Variants in DDX52 observed in about 807,000 individuals in gnomAD.
The protein encoded by DDX52 is probable ATP-dependent RNA helicase DDX52.
A neutral mutation model predicts 76.1 loss-of-function variants in DDX52; 59 were observed. The ratio of observed to expected loss-of-function variants is 0.78; its 90% CI spans 0.63 to 0.96. The LOEUF (loss-of-function observed/expected upper bound fraction) is 0.96. Ranked by LOEUF, DDX52 falls within the 40% of genes least tolerant of loss-of-function variation. The pLI is 0.00. For synonymous variants in DDX52, 231 were observed against 244.1 expected, an observed-to-expected ratio of 0.95 and a Z score of 0.50; for missense variants, 707 against 703.9, an observed-to-expected ratio of 1.00 and a Z score of -0.05.
At chr17:37,627,169 ACAGG>A (rs1208304561) in intron 6 of DDX52, among the ~76,000 whole-genome samples, 1 of 152,140 alleles carries the variant, frequency 6.6e-6, no homozygotes, top group Non-Finnish European at 1.5e-5. Context: ...AGCTGGGACT[ACAGG>A]CACATGCCAC....
intron 11 of DDX52, 71 bp from the exon 12 acceptor site, chr17:37,621,019 T>G: frequency 6.4e-7 from 1 of 1,558,216 alleles, no homozygotes; most frequent in Non-Finnish European, 8.6e-7. Context: ...TTTATAAAAG[T>G]CACTGGATTT....
intron 12 of DDX52, 139 bp from the exon 13 acceptor site, chr17:37,619,978 T>A: frequency 1.3e-6 from 1 of 758,944 alleles, no homozygotes; most frequent in Non-Finnish European, 2.1e-6. Flanking sequence ...TATCAATTAT[T>A]ACCTGATGTA....
chr17:37,619,662 T>C, intron 13 of DDX52, 106 bp downstream of exon 13: 4 of 960,964 alleles, frequency 4.2e-6, no homozygotes, highest in Non-Finnish European at 6.2e-6. Context: ...CAGTGAGCTG[T>C]GATCATGCCA....
rs2030088828 is a variant in DDX52, at chr17:37,621,476, C to G, written c.1272G>C (p.Arg424Ser). The change falls in exon 10 of 15, where the codon AGG becomes AGC. Residue 424 changes from arginine (R) to serine (S), a missense_variant. Arg to Ser is a moderately radical substitution (Grantham distance 110). Transcript: ENST00000617633. ...TGAGCTCATGAAAAAGTTCTTTAGC[C>G]CTTTCAATGGACTGAACAAAAACAA... is the stretch of plus-strand genomic sequence containing the variant. ...PVLVFVQSIE[R>S]AKELFHELIY... is the part of the protein sequence containing the mutation. 6.2e-7 allele frequency: 1 copy of G among 1,613,458 alleles called. No individual in the cohort carries two copies. Among genetic ancestry groups the G allele is most frequent in the African/African-American group, 1.3e-5 (1 of 74,860 alleles).
chr17:37,623,442 T>C (rs1258334119), intron 9 of DDX52, among the ~76,000 whole-genome samples: 1 of 151,990 alleles, frequency 6.6e-6, no homozygotes, highest in Non-Finnish European at 1.5e-5. Context: ...AAAACAAAAT[T>C]ATGTAGTCAC....
chr17:37,615,319 G>A (rs966250021), intron 14 of DDX52, among the ~76,000 whole-genome samples: 1 of 152,196 alleles, frequency 6.6e-6, no homozygotes, highest in Non-Finnish European at 1.5e-5. Context: ...ACCTTAAGCA[G>A]GGGGCTGATA....
chr17:37,621,523 A>G lies in DDX52; in HGVS notation c.1228-3T>C. 6.2e-7 allele frequency: 1 copy of G among 1,600,456 alleles called. No individual in the cohort carries two copies. The highest frequency in any genetic ancestry group is 8.5e-7 in the Non-Finnish European group (1 of 1,176,576). ...ACAAGAACAGGTGGATTGAAACCCTAAAAGAAGACAAAAATTGGCATACAT... is the reference window on the plus strand; with the variant it reads ...ACAAGAACAGGTGGATTGAAACCCTGAAAGAAGACAAAAATTGGCATACAT... On this transcript the variant is annotated splice_region_variant and splice_polypyrimidine_tract_variant and intron_variant, in intron 9 of 14. Transcript: ENST00000617633.
At chr17:37,639,400 A>T in intron 2 of DDX52, 1 of 989,972 alleles carries the variant, frequency 1.0e-6, no homozygotes, top group Non-Finnish European at 1.2e-6. Flanking sequence ...AAATGACCCA[A>T]ATCATTACTA....
Position 37,643,372 on chromosome 17 carries a change from C to T in DDX52, c.49G>A (p.Asp17Asn), listed in dbSNP as rs770680305. Reference sequence around the variant, plus strand: ...GCGTCTGCCGAGAAGCGTCTCGTGTCGAATTTGGCCCCCGCGCCGAGCCGG... The same window carrying T: ...GCGTCTGCCGAGAAGCGTCTCGTGTTGAATTTGGCCCCCGCGCCGAGCCGG... ...FRRLGAGAKFDTRRFSADAAR... is the reference protein window; with the variant it reads ...FRRLGAGAKFNTRRFSADAAR... Residue 17 changes from aspartate to asparagine, a missense_variant, in exon 1 of 15, where the codon GAC becomes AAC. Physicochemically the swap from Asp to Asn is conservative, Grantham distance 23. Transcript: ENST00000617633. 2.5e-6 allele frequency: 4 copies of T among 1,613,858 alleles called. No homozygotes were observed. Among genetic ancestry groups the T allele is most frequent in the Admixed American group, 1.7e-5 (1 of 59,990 alleles).
At chr17:37,623,082 T>C (rs546871028) in intron 9 of DDX52, among the ~76,000 whole-genome samples, 26 of 152,262 alleles carry the variant, frequency 1.7e-4, no homozygotes, top group Non-Finnish European at 3.1e-4. Context: ...ACCAGGTACT[T>C]GCAAACTTTT....
intron 6 of DDX52, 73 bp from the exon 7 acceptor site, chr17:37,626,933 C>T (rs1267842144): frequency 1.5e-5 from 19 of 1,234,796 alleles, no homozygotes; most frequent in Non-Finnish European, 2.2e-5. Flanking sequence ...TAAGCCTCCT[C>T]AACTTCAGTT....
intron 2 of DDX52, among the ~76,000 whole-genome samples, chr17:37,638,981 A>T (rs2031061104): frequency 6.6e-6 from 1 of 152,094 alleles, no homozygotes. Flanking sequence ...CATGTTGGCC[A>T]GGCTGGTCTC....
intron 14 of DDX52, 126 bp downstream of exon 14, chr17:37,618,166 T>C: frequency 1.4e-6 from 1 of 709,444 alleles, no homozygotes; most frequent in Non-Finnish European, 2.3e-6. Context: ...AAATATATTA[T>C]TTTTATAACG....
chr17:37,636,182 C>T (rs560319148), intron 2 of DDX52, among the ~76,000 whole-genome samples: 3 of 152,220 alleles, frequency 2.0e-5, no homozygotes, highest in South Asian at 4.2e-4. Flanking sequence ...TATCTCAAGG[C>T]CACAAAGATT....
chr17:37,631,905 G>A (rs1435163763), intron 4 of DDX52: 2 of 603,470 alleles, frequency 3.3e-6, no homozygotes, highest in Non-Finnish European at 5.8e-6. Context: ...TGGGGGAAAG[G>A]GTACTAGAAA....
intron 2 of DDX52, among the ~76,000 whole-genome samples, chr17:37,638,826 G>C (rs1243099518): frequency 6.2e-5 from 9 of 145,668 alleles, no homozygotes; most frequent in Middle Eastern, 7.2e-3. Context: ...CTGGAATGCA[G>C]AGGCATGATC....
Position 37,641,414 on chromosome 17 carries a change from T to G in DDX52, c.286+696A>C, listed in dbSNP as rs1464838912. 3.4e-5 allele frequency among the ~76,000 whole-genome samples: 5 copies of G among 145,888 alleles called. No individual in the cohort carries two copies. The South Asian group carries it at 1.1e-3, about 31-fold the overall frequency. ...GAGACTCATCTCAAAAAAAAAAAAA[T>G]GCTCGACCTCACCAGTTATCAGTAA... On this transcript the variant is annotated intron_variant, in intron 2 of 14. Coordinates refer to ENST00000617633, the MANE Select transcript of DDX52 (RefSeq NM_007010.5).
intron 12 of DDX52, 70 bp downstream of exon 12, chr17:37,620,803 T>C (rs905671311): frequency 7.2e-7 from 1 of 1,395,254 alleles, no homozygotes; most frequent in African/African-American, 1.5e-5. Context: ...AATTATCTCT[T>C]AATTGAATAT....
Position 37,613,000 on chromosome 17 carries a change from C to G in DDX52, c.*1296G>C, listed in dbSNP as rs556969803. 2 of 152,176 alleles carry G rather than the reference C, an allele frequency of 1.3e-5. No individual in the cohort carries two copies. Among genetic ancestry groups the G allele is most frequent in the East Asian group, 3.9e-4 (2 of 5,184 alleles). The allele number at this position is 152,176 out of a possible 1,614,324, so 9.4% of individuals were successfully genotyped here. On this transcript the variant is annotated 3_prime_UTR_variant, in exon 15 of 15. Transcript: ENST00000617633. ...AGTAGATCTTTCTTTAAATAAATTC[C>G]GAAGATGAACAATTTTTGTCCCATC...
Sources: gnomAD v4.1 joint callset for allele counts (sites outside exome capture counted in the v4.1 genomes callset) on GRCh38, gnomAD v4.1.1 for gene constraint, MANE v1.5 for transcripts, NCBI Gene and HGNC (gene_info 2026-07-23, HGNC 2026-07-21) for gene names.